TLK1: variants seen among roughly 807,000 people sequenced by gnomAD.
TLK1 encodes the protein serine/threonine-protein kinase tousled-like 1.
Under a neutral mutation model 105.3 loss-of-function variants are expected in TLK1, and 24 were observed. The ratio of observed to expected loss-of-function variants is 0.23; its 90% CI spans 0.17 to 0.32. TLK1 has a LOEUF of 0.32. Ranked by LOEUF, TLK1 falls within the 10% of genes least tolerant of loss-of-function variation. The probability of loss-of-function intolerance (pLI) is 1.00; values close to 1 mark genes in which losing one functional copy is unlikely to be tolerated. For synonymous variants in TLK1, 321 were observed against 310.4 expected (o/e 1.03, Z -0.36); for missense variants, 558 against 910.5 (o/e 0.61, Z 4.98).
At chr2:171,073,129 T>C (rs1688337979) in intron 3 of TLK1, among the ~76,000 whole-genome samples, 1 of 152,178 alleles carries the variant, frequency 6.6e-6, no homozygotes, top group Non-Finnish European at 1.5e-5. Context: ...TCTTTAGGTT[T>C]TTCCAAATAT....
In TLK1 at chr2:171,050,158, C is replaced by G. The variant is rs757600673; in HGVS notation, c.749G>C (p.Arg250Thr). The change falls in exon 9 of 21, where the codon AGA (arginine) becomes ACA (threonine). Residue 250 changes from arginine to threonine, a missense_variant. Arg to Thr is a moderately conservative substitution (Grantham distance 71). This residue lies in a region of TLK1 where 196 missense variants were observed against 239.3 expected (regional missense o/e 0.82). Coordinates refer to ENST00000431350, the MANE Select transcript of TLK1 (RefSeq NM_012290.5). ...TTTTTGTTGTTCATCTATTTGCCGT[C>G]TGAGATCACAGTTAGCCTATGACAT... ...DDLLRANCDL[R>T]RQIDEQQKLL... 3 of 1,596,094 alleles carry G rather than the reference C, an allele frequency of 1.9e-6. No individual in the cohort carries two copies. The highest frequency in any genetic ancestry group is 2.6e-6 in the Non-Finnish European group (3 of 1,169,204).
chr2:171,211,224 C>G (rs1033537315), intron 1 of TLK1, among the ~76,000 whole-genome samples: 2 of 152,232 alleles, frequency 1.3e-5, no homozygotes, highest in Non-Finnish European at 2.9e-5. Context: ...TAGAGCCTTT[C>G]ATGCGACAAA....
In TLK1 at chr2:171,177,374, C is replaced by T. The variant is rs183883022; in HGVS notation, c.-6+53771G>A. Among the ~76,000 whole-genome samples the T allele has an allele frequency of 8.8e-4, 134 of 152,166 alleles. 2 individuals carry two copies. Among genetic ancestry groups the T allele is most frequent in the South Asian group, 4.6e-3 (22 of 4,830 alleles). ...GCCAGGCTGGTCTCGAACTACTAGG[C>T]TCAAGGGATCCACCTGCGTCAGCCT... is the stretch of plus-strand genomic sequence containing the variant. On this transcript the variant is annotated intron_variant, in intron 1 of 20. Transcript: ENST00000521943.
chr2:171,035,410 G>A (rs1307699536), intron 11 of TLK1, among the ~76,000 whole-genome samples: 2 of 151,982 alleles, frequency 1.3e-5, no homozygotes, highest in African/African-American at 4.8e-5. Flanking sequence ...CACCATGTGA[G>A]ATGTGCCTTT....
rs183748290 is a variant in TLK1 at position 171,087,325 on chromosome 2, C to T, written c.259-4473G>A. Among the ~76,000 whole-genome samples, 7 of 152,116 alleles carry T rather than the reference C, an allele frequency of 4.6e-5. No homozygotes were observed. In the East Asian group the frequency reaches 7.7e-4, roughly 17 times the overall value. ...AATAAAAACCGTAAAAAGAGCTGAACGTAAATTCTACAACTGAAAATTTCA... is the reference window on the plus strand; with the variant it reads ...AATAAAAACCGTAAAAAGAGCTGAATGTAAATTCTACAACTGAAAATTTCA... On this transcript the variant is annotated intron_variant, in intron 2 of 20. Coordinates refer to ENST00000431350, the MANE Select transcript of TLK1 (RefSeq NM_012290.5).
chr2:171,119,430 G>C (rs985732943), intron 1 of TLK1, among the ~76,000 whole-genome samples: 1 of 152,050 alleles, frequency 6.6e-6, no homozygotes, highest in African/African-American at 2.4e-5. Flanking sequence ...GATCTCCTTT[G>C]GCTTCAAACA....
At chr2:171,188,998 A>C (rs1575651926) in intron 1 of TLK1, among the ~76,000 whole-genome samples, 1 of 152,318 alleles carries the variant, frequency 6.6e-6, no homozygotes, top group Non-Finnish European at 1.5e-5. Context: ...AGAACCAATA[A>C]TTATTTTCAT....
chr2:171,197,574 T>C (rs1265958987), intron 1 of TLK1, among the ~76,000 whole-genome samples: 1 of 151,888 alleles, frequency 6.6e-6, no homozygotes, highest in Non-Finnish European at 1.5e-5. Flanking sequence ...AGGTCAGGAG[T>C]TCGAGACCAG....
At chr2:171,029,825 C>T (rs1020488022) in intron 11 of TLK1, among the ~76,000 whole-genome samples, 3 of 151,836 alleles carry the variant, frequency 2.0e-5, no homozygotes, top group Admixed American at 1.3e-4. Context: ...CAGCTCACTG[C>T]ACCTCCACCT....
At chr2:171,028,837 C>T (rs1472313048) in intron 11 of TLK1, among the ~76,000 whole-genome samples, 2 of 152,014 alleles carry the variant, frequency 1.3e-5, no homozygotes, top group Non-Finnish European at 2.9e-5. Flanking sequence ...AAAAAAACCA[C>T]GTGATGAAAT....
At chr2:171,078,523 C>T (rs531301475) in intron 3 of TLK1, among the ~76,000 whole-genome samples, 2 of 151,370 alleles carry the variant, frequency 1.3e-5, no homozygotes, top group African/African-American at 4.9e-5. Context: ...GGGCAACAGG[C>T]GAGACTCCGT....
intron 4 of TLK1, chr2:171,059,971 G>C: frequency 6.2e-7 from 1 of 1,610,778 alleles, no homozygotes; most frequent in Non-Finnish European, 8.5e-7. Context: ...CTGGAAGACC[G>C]GGAGGTTGGG....
chr2:170,998,913 C>A (rs1032525258), intron 18 of TLK1, among the ~76,000 whole-genome samples: 1 of 152,138 alleles, frequency 6.6e-6, no homozygotes, highest in Non-Finnish European at 1.5e-5. Context: ...GGACTACAGA[C>A]GTGCACCAGC....
chr2:171,184,109 C>T (rs553664406), intron 1 of TLK1, among the ~76,000 whole-genome samples: 3 of 152,194 alleles, frequency 2.0e-5, no homozygotes, highest in East Asian at 1.9e-4. Context: ...TGGTCAGAGA[C>T]GTGCAATGTT....
chr2:171,102,905 A>G (rs1210331528), intron 2 of TLK1, among the ~76,000 whole-genome samples: 1 of 152,174 alleles, frequency 6.6e-6, no homozygotes, highest in Non-Finnish European at 1.5e-5. Context: ...ACAAACACAT[A>G]AATTTTAGTA....
At chr2:171,033,738 C>T (rs1220259778) in intron 11 of TLK1, among the ~76,000 whole-genome samples, 1 of 144,922 alleles carries the variant, frequency 6.9e-6, no homozygotes. Flanking sequence ...GCAAACACCA[C>T]AATTACTTTT....
At chr2:171,129,176 CT>C (rs1316143387) in intron 1 of TLK1, among the ~76,000 whole-genome samples, 2 of 152,204 alleles carry the variant, frequency 1.3e-5, no homozygotes, top group Non-Finnish European at 2.9e-5. Context: ...ACTCAAGACT[CT>C]TTTTTGGTTT....
intron 1 of TLK1, among the ~76,000 whole-genome samples, chr2:171,135,317 GTGTA>G (rs1558961474): frequency 3.7e-5 from 2 of 53,404 alleles, no homozygotes; most frequent in East Asian, 2.8e-4. Flanking sequence ...GTGTGTGTGT[GTGTA>G]TATATATATA....
intron 3 of TLK1, among the ~76,000 whole-genome samples, chr2:171,077,997 A>G (rs1688589367): frequency 1.3e-5 from 2 of 152,182 alleles, no homozygotes; most frequent in African/African-American, 2.4e-5. Flanking sequence ...AGATCTGCTT[A>G]TCTACAACCA....
Sources: allele counts gnomAD v4.1 joint callset (sites outside exome capture counted in the v4.1 genomes callset), GRCh38; gene constraint gnomAD v4.1.1; regional missense constraint gnomAD v4.1.1; transcripts MANE v1.5; gene names NCBI Gene and HGNC (gene_info 2026-07-23, HGNC 2026-07-21).